SHISA9: variants seen among roughly 807,000 people sequenced by gnomAD.
SHISA9 encodes the protein protein shisa-9.
SHISA9 carries 13 observed loss-of-function variants against 38.0 expected under a neutral mutation model. The observed-to-expected ratio is 0.34, with a 90% CI of 0.22 to 0.54. The LOEUF (loss-of-function observed/expected upper bound fraction) is 0.54, where lower values mean the gene tolerates loss of function less well. SHISA9 is among the 20% of genes least tolerant of loss of function. SHISA9 has a pLI of 0.91. For synonymous variants in SHISA9, 275 were observed against 242.0 expected (o/e 1.14, Z -1.27); for missense variants, 538 against 575.8 (o/e 0.93, Z 0.67).
chr16:13,131,204 G>A (rs2050303645), intron 2 of SHISA9, among the ~76,000 whole-genome samples: 1 of 152,008 alleles, frequency 6.6e-6, no homozygotes. Context: ...CAAAGACATG[G>A]AATTAACACA....
At chr16:12,917,529 C>T (rs867885403) in intron 2 of SHISA9, among the ~76,000 whole-genome samples, 5 of 152,044 alleles carry the variant, frequency 3.3e-5, no homozygotes, top group African/African-American at 1.2e-4. Flanking sequence ...TGGTATACTC[C>T]CAAAGATTTT....
At position 13,219,169 on chromosome 16, in the gene SHISA9, A is replaced by G. The variant is rs543666011; in HGVS notation, c.895+5869A>G. Among the ~76,000 whole-genome samples the G allele has an allele frequency of 1.1e-4, 17 of 152,288 alleles. No individual in the cohort carries two copies. In the South Asian group the frequency reaches 3.1e-3, roughly 28 times the overall value. On this transcript the variant is annotated intron_variant, in intron 4 of 4. Coordinates refer to ENST00000558583, the MANE Select transcript of SHISA9 (RefSeq NM_001145204.3). ...AAGAGGGTTCTCTGGTTTGTAGAAAATGCTCTTGCATCAAGATTGCAATAA... is the reference window on the plus strand; with the variant it reads ...AAGAGGGTTCTCTGGTTTGTAGAAAGTGCTCTTGCATCAAGATTGCAATAA...
At chr16:13,026,249 C>CT (rs34050172) in intron 2 of SHISA9, among the ~76,000 whole-genome samples, 152,111 of 152,354 alleles carry the variant, frequency 1, 75,935 homozygotes, top group Middle Eastern at 1. Flanking sequence ...CCCTATCCCC[C>CT]GGCAACTACC....
At chr16:13,362,489 T>TG in the SHISA9 span, among the ~76,000 whole-genome samples, 1 of 151,730 alleles carries the variant, frequency 6.6e-6, no homozygotes, top group East Asian at 1.9e-4. Flanking sequence ...ATGGCAAAGA[T>TG]GGGGGAGCTG....
intron 4 of SHISA9, among the ~76,000 whole-genome samples, chr16:13,220,606 T>G (rs2051214104): frequency 6.6e-6 from 1 of 152,116 alleles, no homozygotes; most frequent in Non-Finnish European, 1.5e-5. Flanking sequence ...AACCACCAGT[T>G]GTATGAAATT....
the SHISA9 span, among the ~76,000 whole-genome samples, chr16:13,552,170 G>C: frequency 3.3e-5 from 5 of 152,200 alleles, no homozygotes; most frequent in African/African-American, 1.2e-4. Context: ...TCCAGAATGA[G>C]AGGTCTGTGT....
chr16:13,195,261 A>C (rs2050926114), intron 2 of SHISA9, among the ~76,000 whole-genome samples: 1 of 152,230 alleles, frequency 6.6e-6, no homozygotes, highest in Admixed American at 6.5e-5. Context: ...ATTGCCAGAA[A>C]GTTAGAAAGT....
At chr16:13,384,492 T>C in the SHISA9 span, among the ~76,000 whole-genome samples, 2 of 152,200 alleles carry the variant, frequency 1.3e-5, no homozygotes, top group African/African-American at 4.8e-5. Flanking sequence ...CTGGCTATGG[T>C]AGGTTTCCAA....
In SHISA9 at chr16:13,237,984, A is replaced by T. The variant is rs752784785; in HGVS notation, c.*2575A>T. 5 of 152,082 alleles carry T rather than the reference A, an allele frequency of 3.3e-5. No homozygotes were observed. The highest frequency in any genetic ancestry group is 1.3e-4 in the Admixed American group (2 of 15,264). The allele number at this position is 152,082 out of a possible 1,614,324, so 9.4% of individuals were successfully genotyped here. On this transcript the variant is annotated 3_prime_UTR_variant, in exon 5 of 5. Transcript: ENST00000558583. ...AACTTCCTGTCTTCATCACAAATTT[A>T]AAAAAAATCATCAGTTGCCATAAAT... is the stretch of plus-strand genomic sequence containing the variant.
rs775612427 is a variant in SHISA9, at chr16:13,009,242, C to T, written c.691+92427C>T. On this transcript the variant is annotated intron_variant, in intron 2 of 4. Transcript: ENST00000558583. ...TGTAAGTGGAGGAGCTGGGAGTCGT[C>T]GACTCCAGGCAGTCTGGCTTTAAGC... is the stretch of plus-strand genomic sequence containing the variant. 4.7e-4 allele frequency among the ~76,000 whole-genome samples: 71 copies of T among 152,164 alleles called. 1 individual carries two copies. The highest frequency in any genetic ancestry group is 1.3e-3 in the African/African-American group (53 of 41,508).
chr16:13,513,174 C>G, the SHISA9 span, among the ~76,000 whole-genome samples: 17 of 152,168 alleles, frequency 1.1e-4, no homozygotes, highest in African/African-American at 3.9e-4. Flanking sequence ...AATAACCAAA[C>G]AATCCCATCA....
intron 2 of SHISA9, among the ~76,000 whole-genome samples, chr16:12,929,322 A>T (rs528797010): frequency 6.6e-6 from 1 of 152,208 alleles, no homozygotes; most frequent in African/African-American, 2.4e-5. Context: ...TCATTCTATT[A>T]TAAAGATACA....
At chr16:13,375,583 T>G in the SHISA9 span, among the ~76,000 whole-genome samples, 1 of 152,262 alleles carries the variant, frequency 6.6e-6, no homozygotes, top group African/African-American at 2.4e-5. Flanking sequence ...AGCCTTGTAG[T>G]ATAGTTTGAA....
At chr16:13,046,462 C>T (rs1034976850) in intron 2 of SHISA9, among the ~76,000 whole-genome samples, 3 of 152,150 alleles carry the variant, frequency 2.0e-5, no homozygotes, top group African/African-American at 7.2e-5. Context: ...GGCTTTGTAG[C>T]ATTAGTCCTC....
chr16:13,250,027 C>A, the SHISA9 span, among the ~76,000 whole-genome samples: 1 of 152,182 alleles, frequency 6.6e-6, no homozygotes, highest in East Asian at 1.9e-4. Flanking sequence ...TGCCACCACA[C>A]CTGGCCACAT....
chr16:12,952,343 A>G (rs2071769222), intron 2 of SHISA9, among the ~76,000 whole-genome samples: 1 of 152,090 alleles, frequency 6.6e-6, no homozygotes, highest in Admixed American at 6.6e-5. Context: ...GTCCCTCCTC[A>G]CAAATGTGGA....
intron 2 of SHISA9, among the ~76,000 whole-genome samples, chr16:13,159,046 G>A (rs1470153447): frequency 5.0e-5 from 7 of 141,298 alleles, no homozygotes; most frequent in Non-Finnish European, 6.1e-5. Context: ...GTGACAGAGC[G>A]AGACTCTGTC....
At chr16:13,465,553 T>C in the SHISA9 span, among the ~76,000 whole-genome samples, 1,363 of 152,250 alleles carry the variant, frequency 9.0e-3, 19 homozygotes, top group African/African-American at 0.031. Context: ...TGAACTGCAA[T>C]ATAGAACAAA....
the SHISA9 span, among the ~76,000 whole-genome samples, chr16:13,448,822 A>T: frequency 6.6e-6 from 1 of 152,238 alleles, no homozygotes; most frequent in Non-Finnish European, 1.5e-5. Flanking sequence ...ACTCAATGCC[A>T]GTAAGTGTGT....
Sources: gnomAD v4.1 joint callset for allele counts (sites outside exome capture counted in the v4.1 genomes callset) on GRCh38, gnomAD v4.1.1 for gene constraint, MANE v1.5 for transcripts, NCBI Gene and HGNC (gene_info 2026-07-23, HGNC 2026-07-21) for gene names.